The following PNISR variants were observed in gnomAD, a reference collection of about 807,000 sequenced individuals.
PNISR encodes arginine/serine-rich protein PNISR.
Under a neutral mutation model 93.4 loss-of-function variants are expected in PNISR, and 20 were observed. The observed-to-expected ratio is 0.21, with a 90% confidence interval of 0.15 to 0.31. PNISR has a LOEUF of 0.31. PNISR is among the 10% of genes least tolerant of loss of function. PNISR has a pLI of 1.00. For missense variants in PNISR, 893 were observed against 985.4 expected (o/e 0.91, Z 1.25); for synonymous variants, 305 against 306.5 (o/e 0.99, Z 0.05).
chr6:99,402,881 A>C, intron 10 of PNISR, 171 bp from the exon 11 acceptor site: 1 of 451,870 alleles, frequency 2.2e-6, no homozygotes, highest in East Asian at 3.2e-5. Context: ...AGTTCACAGA[A>C]CCTTCAGGCA....
At position 99,400,559 on chromosome 6, in the gene PNISR, G is replaced by A. The variant is rs780638431; in HGVS notation, c.2399C>T (p.Ser800Phe). 6.2e-7 allele frequency: 1 copy of A among 1,613,788 alleles called. No individual in the cohort carries two copies. The highest frequency in any genetic ancestry group is 8.5e-7 in the Non-Finnish European group (1 of 1,179,906). The change falls in exon 12 of 12, where the codon TCT becomes TTT. Residue 800 changes from serine to phenylalanine, a missense_variant. Around this residue, in one of 3 missense-constraint regions of PNISR, gnomAD observed 866 missense variants for 935.1 expected, o/e 0.93. Coordinates refer to ENST00000369239, the MANE Select transcript of PNISR (RefSeq NM_032870.4). ...AGTATACTACCTTGATCGGGACTTA[G>A]ACTTGTGTTTGCGGCTTGCCTTCTT... ...SGKKASRKHK[S>F]KSRSR
intron 3 of PNISR, among the ~76,000 whole-genome samples, chr6:99,413,014 A>T (rs142076903): frequency 1.3e-3 from 199 of 152,300 alleles, no homozygotes; most frequent in African/African-American, 4.4e-3. Flanking sequence ...AAACACTCTT[A>T]ACCCATTTCT....
intron 10 of PNISR, 138 bp from the exon 11 acceptor site, chr6:99,402,848 A>G: frequency 5.2e-6 from 3 of 576,602 alleles, no homozygotes; most frequent in Non-Finnish European, 5.8e-6. Flanking sequence ...GGTGGGGAGA[A>G]GTATACATTC....
chr6:99,412,546 C>A lies in PNISR; in HGVS notation c.277+5G>T. 6.4e-7 allele frequency: 1 copy of A among 1,570,366 alleles called. No homozygotes were observed. The highest frequency in any genetic ancestry group is 8.6e-7 in the Non-Finnish European group (1 of 1,159,196). Reference sequence around the variant, plus strand: ...CTTAAAATTGTGAAAACATAAACAACAAACCTGGTTGCCACATTCTGTTGA... The same window carrying A: ...CTTAAAATTGTGAAAACATAAACAAAAAACCTGGTTGCCACATTCTGTTGA... On this transcript the variant is annotated splice_donor_5th_base_variant and intron_variant, in intron 4 of 11. Coordinates refer to ENST00000369239, the MANE Select transcript of PNISR (RefSeq NM_032870.4).
chr6:99,410,553 T>C (rs1331484129), intron 5 of PNISR, 188 bp downstream of exon 5: 9 of 539,606 alleles, frequency 1.7e-5, no homozygotes, highest in African/African-American at 5.6e-5. Context: ...ATTTTCCTAA[T>C]GAAATAAAAA....
Position 99,404,715 on chromosome 6 carries a change from A to G in PNISR, c.1003-13T>C, listed in dbSNP as rs755308320. The G allele has an allele frequency of 1.6e-6, 2 of 1,285,458 alleles. No individual in the cohort carries two copies. Among genetic ancestry groups the G allele is most frequent in the Non-Finnish European group, 2.3e-6 (2 of 882,884 alleles). The allele number at this position is 1,285,458 out of a possible 1,614,324, so 79.6% of individuals were successfully genotyped here. ...TTGTCAGCAACATCTAAAAAAGAGC[A>G]TTTTATACAGTATTTCTAATTATTA... On this transcript the variant is annotated splice_polypyrimidine_tract_variant and intron_variant, in intron 8 of 11. Transcript: ENST00000369239.
Position 99,399,721 on chromosome 6 carries a change from T to C in PNISR, c.*819A>G, listed in dbSNP as rs1775239113. ...AAAATAGGAAGAAAAGTTTAGAAAGTTGTCAAATACTTCCAAATGAAAAGT... is the reference window on the plus strand; with the variant it reads ...AAAATAGGAAGAAAAGTTTAGAAAGCTGTCAAATACTTCCAAATGAAAAGT... On this transcript the variant is annotated 3_prime_UTR_variant, in exon 12 of 12. Transcript: ENST00000369239. The C allele has an allele frequency of 6.6e-6, 1 of 152,112 alleles. No individual in the cohort carries two copies. Among genetic ancestry groups the C allele is most frequent in the African/African-American group, 2.4e-5 (1 of 41,420 alleles). 9.4% of individuals were successfully genotyped at this position (152,112 alleles called of 1,614,324 possible).
chr6:99,423,263 T>C (rs962834040), intron 1 of PNISR, among the ~76,000 whole-genome samples: 2 of 152,102 alleles, frequency 1.3e-5, no homozygotes, highest in Non-Finnish European at 2.9e-5. Flanking sequence ...TGGATTATAA[T>C]ATAAGTTATG....
intron 1 of PNISR, among the ~76,000 whole-genome samples, chr6:99,418,889 CTG>C (rs1259492663): frequency 6.6e-6 from 1 of 152,130 alleles, no homozygotes; most frequent in Non-Finnish European, 1.5e-5. Context: ...TGGCTCACGC[CTG>C]TAATCCTAGC....
At chr6:99,414,887 T>C (rs1253909852) in intron 2 of PNISR, 197 bp from the exon 3 acceptor site, 9 of 337,098 alleles carry the variant, frequency 2.7e-5, no homozygotes, top group East Asian at 4.9e-5. Context: ...GTCTCAGAAT[T>C]TGGTGGCAAG....
intron 1 of PNISR, chr6:99,424,834 GGGTATA>G (rs1779235739): frequency 5.8e-6 from 1 of 173,514 alleles, no homozygotes; most frequent in African/African-American, 2.4e-5. Context: ...GAGCCTCAAA[GGGTATA>G]AGCTCCAGGT....
rs976046980 is a variant in PNISR, at chr6:99,398,491, C to T, written c.*2049G>A. The T allele has an allele frequency of 2.0e-5, 3 of 152,036 alleles. No individual in the cohort carries two copies. The highest frequency in any genetic ancestry group is 2.0e-4 in the Admixed American group (3 of 15,270). 9.4% of individuals were successfully genotyped at this position (152,036 alleles called of 1,614,324 possible). On this transcript the variant is annotated 3_prime_UTR_variant, in exon 12 of 12. Transcript: ENST00000369239. Reference sequence around the variant, plus strand: ...GAAAAACCCAAATATCAAATTATAACACTGGTTTATGTACTAATAATCACA... The same window carrying T: ...GAAAAACCCAAATATCAAATTATAATACTGGTTTATGTACTAATAATCACA...
At chr6:99,404,529 A>G (rs754915609) in intron 9 of PNISR, 74 bp downstream of exon 9, 2 of 795,990 alleles carry the variant, frequency 2.5e-6, no homozygotes, top group East Asian at 2.4e-5. Flanking sequence ...AACAAGGACA[A>G]CAAAAAAAGG....
intron 2 of PNISR, chr6:99,415,427 G>A (rs1008683921): frequency 6.6e-6 from 1 of 152,066 alleles, no homozygotes; most frequent in African/African-American, 2.4e-5. Context: ...CATATAAATA[G>A]CATGGAAAAG....
Position 99,404,630 on chromosome 6 carries a change from T to C in PNISR, c.1075A>G (p.Lys359Glu), listed in dbSNP as rs1775913704. 7 of 1,602,962 alleles carry C rather than the reference T, an allele frequency of 4.4e-6. No individual in the cohort carries two copies. Among genetic ancestry groups the C allele is most frequent in the South Asian group, 1.1e-5 (1 of 90,856 alleles). The change falls in exon 9 of 12, where the codon AAA becomes GAA. Residue 359 changes from lysine to glutamate, a missense_variant. Physicochemically the swap from Lys to Glu is moderately conservative, Grantham distance 56. This residue lies in a region of PNISR where 866 missense variants were observed against 935.1 expected (regional missense o/e 0.93). Transcript: ENST00000369239. ...VTDEEIYYVA[K>E]DAHRKATKAP... ...TTCGTTGCTTTGCGGTGTGCATCTTTGGCTACGTAATAAATTTCTTCATCT... is the reference window on the plus strand; with the variant it reads ...TTCGTTGCTTTGCGGTGTGCATCTTCGGCTACGTAATAAATTTCTTCATCT...
chr6:99,398,254 C>A lies in PNISR; in HGVS notation c.*2286G>T, dbSNP rs1473676887. On this transcript the variant is annotated 3_prime_UTR_variant, in exon 12 of 12. Transcript: ENST00000369239. ...AACCAATCCAGACCAAGGATTGTCT[C>A]AAAAATTTGATCTGTTAATTTTCTG... 1 of 152,004 alleles carries A rather than the reference C, an allele frequency of 6.6e-6. No homozygotes were observed. Among genetic ancestry groups the A allele is most frequent in the East Asian group, 1.9e-4 (1 of 5,194 alleles). The allele number at this position is 152,004 out of a possible 1,614,324, so 9.4% of individuals were successfully genotyped here.
At chr6:99,415,625 C>T (rs1445424785) in intron 2 of PNISR, 2 of 152,238 alleles carry the variant, frequency 1.3e-5, no homozygotes, top group East Asian at 3.9e-4. Flanking sequence ...GTTCAAGAAC[C>T]AGTGACTCAC....
chr6:99,417,051 T>C (rs1777793957), intron 1 of PNISR, among the ~76,000 whole-genome samples: 1 of 152,258 alleles, frequency 6.6e-6, no homozygotes, highest in Non-Finnish European at 1.5e-5. Context: ...TGTTAACTTC[T>C]ACTTATGAGA....
chr6:99,400,351 T>C lies in PNISR; in HGVS notation c.*189A>G. The C allele has an allele frequency of 1.7e-6, 2 of 1,174,804 alleles. No homozygotes were observed. The highest frequency in any genetic ancestry group is 1.1e-6 in the Non-Finnish European group (1 of 946,740). The allele number at this position is 1,174,804 out of a possible 1,614,324, so 72.8% of individuals were successfully genotyped here. A position where few individuals can be genotyped will look rare whatever the true frequency, so the allele number is the denominator to read the frequency against. On this transcript the variant is annotated 3_prime_UTR_variant, in exon 12 of 12. Transcript: ENST00000369239. Reference sequence around the variant, plus strand: ...AAAAGACAAAATTTAAAAATAAAAATGTATTTTAAATTAAAAATCTGCAAT... The same window carrying C: ...AAAAGACAAAATTTAAAAATAAAAACGTATTTTAAATTAAAAATCTGCAAT...
Sources: allele counts gnomAD v4.1 joint callset (sites outside exome capture counted in the v4.1 genomes callset), GRCh38; gene constraint gnomAD v4.1.1; regional missense constraint gnomAD v4.1.1; transcripts MANE v1.5; gene names NCBI Gene and HGNC (gene_info 2026-07-23, HGNC 2026-07-21).